NMNAT1: variants seen among roughly 807,000 people sequenced by gnomAD.
NMNAT1 encodes nicotinamide/nicotinic acid mononucleotide adenylyltransferase 1.
In NMNAT1, 11 loss-of-function variants were observed where a neutral mutation model predicts 16.7. The ratio of observed to expected loss-of-function variants is 0.66; its 90% CI spans 0.41 to 1.09. The LOEUF is 1.09. NMNAT1 is among the 50% of genes least tolerant of loss of function. The pLI is 0.00. For missense variants in NMNAT1, 280 were observed against 332.3 expected (o/e 0.84, Z 1.22); for synonymous variants, 110 against 119.8 (o/e 0.92, Z 0.53).
At chr1:9,972,222 G>C in intron 2 of NMNAT1, 34 bp downstream of exon 2, 1 of 1,189,754 alleles carries the variant, frequency 8.4e-7, no homozygotes, top group Non-Finnish European at 1.3e-6. Context: ...CTTAAGACTA[G>C]AGAACCAGCC....
rs185396361 is a variant in NMNAT1 at position 9,971,556 on chromosome 1, C to G, written c.-56-462C>G. 4.7e-4 allele frequency among the ~76,000 whole-genome samples: 72 copies of G among 152,182 alleles called. 1 individual carries two copies. In the East Asian group the frequency reaches 0.014, roughly 29 times the overall value. On this transcript the variant is annotated intron_variant, in intron 1 of 4. Coordinates refer to ENST00000377205, the MANE Select transcript of NMNAT1 (RefSeq NM_022787.4). ...CTTGATCTCTTGACCTCATGATCCA[C>G]CCGCCCCAGCCTCCCAAAGTGCTGG... is the stretch of plus-strand genomic sequence containing the variant.
intron 1 of NMNAT1, among the ~76,000 whole-genome samples, chr1:9,959,708 C>G (rs1214663558): frequency 6.6e-6 from 1 of 151,770 alleles, no homozygotes. Context: ...GAAAGAAAAT[C>G]TCACCATTAA....
At chr1:9,985,532 T>C (rs1017853671), downstream of NMNAT1, 4 of 152,220 alleles carry the variant, frequency 2.6e-5, no homozygotes, top group African/African-American at 9.6e-5. Flanking sequence ...GAGTCCGACG[T>C]ATTCAGTCCT....
At chr1:9,967,524 G>A (rs1641576190) in intron 1 of NMNAT1, 1 of 152,102 alleles carries the variant, frequency 6.6e-6, no homozygotes, top group Non-Finnish European at 1.5e-5. Context: ...AGATGAAGAA[G>A]TTTTCAGAAT....
chr1:9,963,656 C>T (rs1235590383), intron 1 of NMNAT1, among the ~76,000 whole-genome samples: 2 of 152,046 alleles, frequency 1.3e-5, no homozygotes, highest in African/African-American at 2.4e-5. Context: ...ATCCGCCCAC[C>T]TCAGCCTCCC....
At chr1:9,963,130 C>T (rs1472560275) in intron 1 of NMNAT1, among the ~76,000 whole-genome samples, 1 of 152,110 alleles carries the variant, frequency 6.6e-6, no homozygotes, top group African/African-American at 2.4e-5. Flanking sequence ...CAATTCCAAT[C>T]TACACTGTTC....
At chr1:9,955,227 A>G (rs1439190191) in intron 1 of NMNAT1, among the ~76,000 whole-genome samples, 3 of 151,996 alleles carry the variant, frequency 2.0e-5, no homozygotes, top group Non-Finnish European at 4.4e-5. Context: ...ACATGGTGAA[A>G]CCTCATCTCT....
intron 2 of NMNAT1, 23 bp from the exon 3 acceptor site, chr1:9,975,569 G>A: frequency 6.4e-7 from 1 of 1,574,000 alleles, no homozygotes; most frequent in East Asian, 2.2e-5. Context: ...TATACCTAGT[G>A]TGAAACCTAA....
chr1:9,969,087 A>G (rs1168952744), intron 1 of NMNAT1, among the ~76,000 whole-genome samples: 1 of 152,068 alleles, frequency 6.6e-6, no homozygotes, highest in African/African-American at 2.4e-5. Context: ...CTTCTGTTAT[A>G]TAGGCGGGAA....
intron 1 of NMNAT1, among the ~76,000 whole-genome samples, chr1:9,956,242 T>C (rs1362488309): frequency 6.6e-6 from 1 of 151,174 alleles, no homozygotes; most frequent in Non-Finnish European, 1.5e-5. Flanking sequence ...CGATCTCTGC[T>C]CACTGCAACC....
chr1:9,973,185 C>T (rs1442223399), intron 2 of NMNAT1, among the ~76,000 whole-genome samples: 1 of 151,928 alleles, frequency 6.6e-6, no homozygotes. Flanking sequence ...GGCGCGATCT[C>T]GGCTCACTGC....
At chr1:9,987,589 G>A (rs529662818), downstream of NMNAT1, among the ~76,000 whole-genome samples, 11 of 152,124 alleles carry the variant, frequency 7.2e-5, no homozygotes, top group East Asian at 1.9e-4. Flanking sequence ...TCAGTGAGCC[G>A]AGATTGTGCC....
intron 3 of NMNAT1, among the ~76,000 whole-genome samples, chr1:9,978,970 G>T (rs1641875269): frequency 6.6e-6 from 1 of 152,142 alleles, no homozygotes; most frequent in African/African-American, 2.4e-5. Context: ...AAGAGTGTGG[G>T]CTCTGGACCA....
intron 1 of NMNAT1, among the ~76,000 whole-genome samples, chr1:9,951,946 G>A (rs1409186946): frequency 2.6e-5 from 4 of 152,092 alleles, no homozygotes; most frequent in Non-Finnish European, 4.4e-5. Context: ...TTCTTTTGGT[G>A]TCAGTAGAAA....
the NMNAT1 span, among the ~76,000 whole-genome samples, chr1:9,990,559 T>G: frequency 6.6e-6 from 1 of 152,234 alleles, no homozygotes; most frequent in African/African-American, 2.4e-5. Context: ...AGCCTGATAC[T>G]AATCCAGGTC....
intron 3 of NMNAT1, among the ~76,000 whole-genome samples, chr1:9,976,237 AG>A (rs1181333058): frequency 3.3e-5 from 5 of 151,438 alleles, no homozygotes; most frequent in African/African-American, 9.7e-5. Flanking sequence ...CAGTGAGCCA[AG>A]ATTGTGCCAC....
intron 1 of NMNAT1, among the ~76,000 whole-genome samples, chr1:9,969,044 G>C (rs1486532740): frequency 6.6e-6 from 1 of 152,034 alleles, no homozygotes; most frequent in African/African-American, 2.4e-5. Context: ...TTTGAAGCCA[G>C]GCAGCCTAAT....
At chr1:9,968,970 CCT>C (rs1173399418) in intron 1 of NMNAT1, among the ~76,000 whole-genome samples, 1 of 149,590 alleles carries the variant, frequency 6.7e-6, no homozygotes, top group Non-Finnish European at 1.5e-5. Context: ...AAAGAAAAAA[CCT>C]GGCACAAAAG....
chr1:9,976,109 A>G (rs1641807397), intron 3 of NMNAT1, among the ~76,000 whole-genome samples: 1 of 152,018 alleles, frequency 6.6e-6, no homozygotes, highest in African/African-American at 2.4e-5. Context: ...CAACATGGTG[A>G]AAACCCGTCT....
Sources: allele counts gnomAD v4.1 joint callset (sites outside exome capture counted in the v4.1 genomes callset), GRCh38; gene constraint gnomAD v4.1.1; transcripts MANE v1.5; gene names NCBI Gene and HGNC (gene_info 2026-07-23, HGNC 2026-07-21).